The following RBM20 variants were observed in gnomAD, a reference collection of about 807,000 sequenced individuals.
RBM20 encodes the protein RNA binding motif protein 20.
In RBM20, 51 loss-of-function variants were observed where a neutral mutation model predicts 110.1. The ratio of observed to expected loss-of-function variants is 0.46; its 90% CI spans 0.37 to 0.59. RBM20 has a LOEUF of 0.59. RBM20 is among the 20% of genes least tolerant of loss of function. The pLI is 0.00. For synonymous variants in RBM20, 589 were observed against 618.2 expected (o/e 0.95, Z 0.70); for missense variants, 1,512 against 1,574.9 (o/e 0.96, Z 0.68).
chr10:110,702,856 A>T (rs533553119), intron 1 of RBM20, among the ~76,000 whole-genome samples: 1 of 152,226 alleles, frequency 6.6e-6, no homozygotes, highest in Non-Finnish European at 1.5e-5. Context: ...GGTACATACC[A>T]CATATGATTG....
chr10:110,659,815 T>TCC (rs1862076245), intron 1 of RBM20, among the ~76,000 whole-genome samples: 1 of 147,224 alleles, frequency 6.8e-6, no homozygotes, highest in Non-Finnish European at 1.5e-5. Context: ...CCCCTTCCTC[T>TCC]TCTTCCTCTT....
intron 1 of RBM20, among the ~76,000 whole-genome samples, chr10:110,677,089 T>G (rs529331500): frequency 3.9e-5 from 6 of 152,162 alleles, no homozygotes; most frequent in Non-Finnish European, 5.9e-5. Context: ...CTGCATCTGG[T>G]AAGGGCCTTC....
intron 1 of RBM20, among the ~76,000 whole-genome samples, chr10:110,701,037 A>G (rs890071787): frequency 2.6e-5 from 4 of 152,082 alleles, no homozygotes; most frequent in Non-Finnish European, 5.9e-5. Flanking sequence ...CAAAGCAAAC[A>G]AACAAACAAA....
Position 110,781,584 on chromosome 10 carries a change from C to A in RBM20, c.975C>A (p.Phe325Leu). The change falls in exon 2 of 14, where the codon TTC (phenylalanine) becomes TTA (leucine). Residue 325 changes from phenylalanine (F) to leucine (L), a missense_variant. By Grantham distance (22) the Phe-to-Leu change is conservative (BLOSUM62 0). Around this residue, in one of 3 missense-constraint regions of RBM20, gnomAD observed 1,149 missense variants for 1,169.4 expected, o/e 0.98. Transcript: ENST00000369519. ...TNSQWESPHG[F>L]SGQSKPDLTA... ...GCCAATGGGAGAGCCCCCATGGATT[C>A]TCGGGCCAAAGCAAGCCTGATCTCA... The A allele has an allele frequency of 6.4e-7, 1 of 1,551,686 alleles. No homozygotes were observed. The highest frequency in any genetic ancestry group is 8.7e-7 in the Non-Finnish European group (1 of 1,146,952).
intron 1 of RBM20, among the ~76,000 whole-genome samples, chr10:110,734,620 T>TA (rs201631427): frequency 4.6e-5 from 5 of 109,714 alleles, no homozygotes; most frequent in African/African-American, 8.8e-5. Flanking sequence ...AATTCCCTCT[T>TA]TTTTTTTTTT....
intron 3 of RBM20, 76 bp downstream of exon 3, chr10:110,783,503 G>A (rs1233971193): frequency 7.7e-6 from 9 of 1,174,904 alleles, no homozygotes; most frequent in African/African-American, 4.6e-5. Context: ...TGTGTCACAC[G>A]CTGTTTTGAG....
chr10:110,651,083 A>G (rs1429830178), intron 1 of RBM20, among the ~76,000 whole-genome samples: 1 of 152,196 alleles, frequency 6.6e-6, no homozygotes, highest in African/African-American at 2.4e-5. Context: ...CTCTCCAGGG[A>G]TTGGAAATGA....
At chr10:110,652,000 A>G (rs991625131) in intron 1 of RBM20, among the ~76,000 whole-genome samples, 2 of 152,258 alleles carry the variant, frequency 1.3e-5, no homozygotes, top group African/African-American at 4.8e-5. Context: ...AAAGTCTTCA[A>G]ATATGTACAT....
At chr10:110,649,518 C>A (rs1421889900) in intron 1 of RBM20, among the ~76,000 whole-genome samples, 1 of 152,134 alleles carries the variant, frequency 6.6e-6, no homozygotes, top group Non-Finnish European at 1.5e-5. Flanking sequence ...AAGTAGGACA[C>A]CCCTCTCCCT....
Position 110,823,448 on chromosome 10 carries a change from TTTTTTTTTTTGCC to T in RBM20, c.3317-29_3317-17del. 1 of 1,177,086 alleles carries T rather than the reference TTTTTTTTTTTGCC, an allele frequency of 8.5e-7. No individual in the cohort carries two copies. The highest frequency in any genetic ancestry group is 1.1e-6 in the Non-Finnish European group (1 of 903,040). 72.9% of individuals were successfully genotyped at this position (1,177,086 alleles called of 1,614,324 possible). A position where few individuals can be genotyped will look rare whatever the true frequency, so the allele number is the denominator to read the frequency against. On this transcript the variant is annotated intron_variant, in intron 11 of 13. Transcript: ENST00000369519. ...TTGTATTTCTTTTTTTTTTTTTTTT[TTTTTTTTTTTGCC>T]TTGGTTCATGTTTTGCAGAAAACTC...
chr10:110,779,725 C>T (rs1156610726), intron 1 of RBM20, among the ~76,000 whole-genome samples: 1 of 152,148 alleles, frequency 6.6e-6, no homozygotes, highest in African/African-American at 2.4e-5. Context: ...GAACTGGTTG[C>T]TTGCTTGGTG....
At chr10:110,760,943 A>C (rs1019985960) in intron 1 of RBM20, among the ~76,000 whole-genome samples, 5 of 150,886 alleles carry the variant, frequency 3.3e-5, no homozygotes, top group Middle Eastern at 3.4e-3. Flanking sequence ...AATACAAAAA[A>C]AAATTAGCCA....
chr10:110,726,831 C>G (rs558027393), intron 1 of RBM20, among the ~76,000 whole-genome samples: 1 of 152,262 alleles, frequency 6.6e-6, no homozygotes, highest in South Asian at 2.1e-4. Flanking sequence ...GGGAATCTCA[C>G]CTGAGCCTGT....
At chr10:110,732,676 A>G (rs777296870) in intron 1 of RBM20, among the ~76,000 whole-genome samples, 10 of 152,178 alleles carry the variant, frequency 6.6e-5, no homozygotes, top group Non-Finnish European at 1.5e-4. Context: ...CACGCACCCC[A>G]TCGTTGGGTT....
intron 9 of RBM20, among the ~76,000 whole-genome samples, chr10:110,815,283 G>C (rs1207242504): frequency 1.3e-5 from 2 of 152,234 alleles, no homozygotes; most frequent in Non-Finnish European, 2.9e-5. Flanking sequence ...GGATGTGCTA[G>C]ACAAATGCCC....
At chr10:110,685,119 G>C (rs1862483652) in intron 1 of RBM20, among the ~76,000 whole-genome samples, 1 of 152,336 alleles carries the variant, frequency 6.6e-6, no homozygotes, top group Middle Eastern at 3.4e-3. Context: ...TGTCCTTCCT[G>C]GGGTTTGTGG....
intron 1 of RBM20, among the ~76,000 whole-genome samples, chr10:110,656,258 A>C (rs924582264): frequency 6.6e-6 from 1 of 152,114 alleles, no homozygotes; most frequent in Non-Finnish European, 1.5e-5. Flanking sequence ...TGAGCTGTGG[A>C]GATAGCGCCA....
intron 1 of RBM20, among the ~76,000 whole-genome samples, chr10:110,682,509 G>A (rs539977327): frequency 9.9e-5 from 15 of 152,222 alleles, no homozygotes; most frequent in African/African-American, 2.4e-4. Flanking sequence ...GCTGGGTCTC[G>A]GTATGACTTC....
intron 1 of RBM20, among the ~76,000 whole-genome samples, chr10:110,655,600 T>C (rs1862011490): frequency 6.6e-6 from 1 of 152,212 alleles, no homozygotes; most frequent in Non-Finnish European, 1.5e-5. Flanking sequence ...CTCCTATTCA[T>C]AGCAAAAGGA....
Sources: allele counts gnomAD v4.1 joint callset (sites outside exome capture counted in the v4.1 genomes callset), GRCh38; gene constraint gnomAD v4.1.1; regional missense constraint gnomAD v4.1.1; transcripts MANE v1.5; gene names NCBI Gene and HGNC (gene_info 2026-07-23, HGNC 2026-07-21).